KALRN: variants seen among roughly 807,000 people sequenced by gnomAD.
KALRN encodes the protein kalirin RhoGEF kinase, also known as kalirin.
Under a neutral mutation model 353.7 loss-of-function variants are expected in KALRN, and 70 were observed. The ratio of observed to expected loss-of-function variants is 0.20; its 90% CI spans 0.16 to 0.24. The LOEUF (loss-of-function observed/expected upper bound fraction) is 0.24. Among genes scored for constraint, KALRN ranks in the 10% least tolerant of loss-of-function variants. The pLI, the probability that KALRN is intolerant of heterozygous loss-of-function variation, is 1.00. For synonymous variants in KALRN, 1,391 were observed against 1,434.8 expected, an observed-to-expected ratio of 0.97 and a Z score of 0.69; for missense variants, 2,791 against 3,756.7, an observed-to-expected ratio of 0.74 and a Z score of 6.72.
chr3:124,243,390 C>T (rs2080743661), intron 3 of KALRN, among the ~76,000 whole-genome samples: 1 of 152,170 alleles, frequency 6.6e-6, no homozygotes, highest in Non-Finnish European at 1.5e-5. Flanking sequence ...AGAACAATAA[C>T]TGGAGCAATC....
At chr3:124,103,913 G>T (rs977331361) in intron 1 of KALRN, among the ~76,000 whole-genome samples, 1 of 152,032 alleles carries the variant, frequency 6.6e-6, no homozygotes, top group Non-Finnish European at 1.5e-5. Context: ...CTGAGATCAC[G>T]CTACTGCACT....
intron 5 of KALRN, among the ~76,000 whole-genome samples, chr3:124,295,688 A>G (rs2076793475): frequency 6.6e-6 from 1 of 152,318 alleles, no homozygotes; most frequent in Non-Finnish European, 1.5e-5. Flanking sequence ...TTTCATCACA[A>G]GTTCTAAGGA....
chr3:124,711,848 A>T (rs930058852), intron 57 of KALRN, among the ~76,000 whole-genome samples: 1 of 152,260 alleles, frequency 6.6e-6, no homozygotes, highest in Admixed American at 6.5e-5. Flanking sequence ...TAAATTGTTC[A>T]TGATTATTGA....
At chr3:124,333,491 G>A (rs939305341) in intron 8 of KALRN, among the ~76,000 whole-genome samples, 1 of 152,106 alleles carries the variant, frequency 6.6e-6, no homozygotes, top group Admixed American at 6.5e-5. Context: ...GCCAAATAGA[G>A]GAATTTGGGA....
chr3:124,260,176 T>C (rs894468014), intron 3 of KALRN, among the ~76,000 whole-genome samples: 1 of 152,244 alleles, frequency 6.6e-6, no homozygotes, highest in Admixed American at 6.5e-5. Context: ...ATACCCTTTG[T>C]CTGAATATGT....
At chr3:124,305,659 A>G (rs1171165468) in intron 6 of KALRN, among the ~76,000 whole-genome samples, 1 of 151,668 alleles carries the variant, frequency 6.6e-6, no homozygotes, top group Non-Finnish European at 1.5e-5. Flanking sequence ...TCCCCCTGGG[A>G]GCAACATTGG....
intron 13 of KALRN, among the ~76,000 whole-genome samples, chr3:124,405,536 A>C (rs983575295): frequency 9.9e-5 from 15 of 152,206 alleles, no homozygotes; most frequent in Non-Finnish European, 4.4e-5. Context: ...CAAATCTCAA[A>C]ATGATAAAAG....
chr3:124,509,411 G>A (rs1459264206), intron 33 of KALRN, among the ~76,000 whole-genome samples: 2 of 152,120 alleles, frequency 1.3e-5, no homozygotes, highest in Non-Finnish European at 2.9e-5. Context: ...GTTTCACCAT[G>A]TTGGCCAGGC....
chr3:124,342,507 T>C (rs2081862125), intron 9 of KALRN, among the ~76,000 whole-genome samples: 1 of 152,364 alleles, frequency 6.6e-6, no homozygotes. Context: ...TTTTTATGGC[T>C]GAATAGTATT....
At chr3:124,349,747 A>G (rs554213931) in intron 10 of KALRN, among the ~76,000 whole-genome samples, 2 of 152,336 alleles carry the variant, frequency 1.3e-5, no homozygotes, top group East Asian at 1.9e-4. Flanking sequence ...CTCATAGCCA[A>G]TGAGGACCTT....
intron 1 of KALRN, among the ~76,000 whole-genome samples, chr3:124,224,209 G>T (rs781505224): frequency 1.2e-4 from 16 of 136,938 alleles, no homozygotes; most frequent in African/African-American, 2.5e-4. Flanking sequence ...TTTTTTTAAT[G>T]TCTTCTCAGG....
At chr3:124,428,227 A>G (rs1331131011) in intron 15 of KALRN, among the ~76,000 whole-genome samples, 1 of 152,218 alleles carries the variant, frequency 6.6e-6, no homozygotes, top group Non-Finnish European at 1.5e-5. Context: ...CAAAACAGCT[A>G]AGGAAGCTAC....
At chr3:124,250,686 G>T (rs2071023542) in intron 3 of KALRN, among the ~76,000 whole-genome samples, 1 of 152,150 alleles carries the variant, frequency 6.6e-6, no homozygotes, top group Non-Finnish European at 1.5e-5. Context: ...GAGCGGGAAA[G>T]AAGGAGAGGG....
intron 1 of KALRN, among the ~76,000 whole-genome samples, chr3:124,168,234 A>G (rs1283846240): frequency 6.6e-6 from 1 of 152,198 alleles, no homozygotes; most frequent in African/African-American, 2.4e-5. Context: ...AAAAAGTTGA[A>G]GAGTTATGCG....
chr3:124,640,990 C>T (rs889154184), intron 37 of KALRN, among the ~76,000 whole-genome samples: 23 of 152,260 alleles, frequency 1.5e-4, no homozygotes, highest in East Asian at 7.7e-4. Flanking sequence ...GCTCAAGCCG[C>T]GGCACGGAAT....
chr3:124,593,408 C>G (rs528055283), intron 34 of KALRN, among the ~76,000 whole-genome samples: 1 of 152,318 alleles, frequency 6.6e-6, no homozygotes, highest in African/African-American at 2.4e-5. Flanking sequence ...CCTCACCCCA[C>G]AACTGAGGGA....
intron 6 of KALRN, among the ~76,000 whole-genome samples, chr3:124,301,045 A>T (rs937885111): frequency 6.6e-6 from 1 of 152,216 alleles, no homozygotes; most frequent in Non-Finnish European, 1.5e-5. Context: ...GAATTTTCAC[A>T]TTACCCAACA....
Position 124,518,531 on chromosome 3 carries a change from G to A in KALRN, c.4935+22118G>A, listed in dbSNP as rs2066885511. 1.9e-6 allele frequency: 3 copies of A among 1,612,272 alleles called. No homozygotes were observed. The Admixed American group carries it at 5.0e-5, about 27-fold the overall frequency. On this transcript the variant is annotated intron_variant, in intron 33 of 59. Transcript: ENST00000682506. ...TGGCACCGTTGGGACCTCCCACCAG[G>A]ACTCCAATCACCCACCTCTCTTGAG...
rs1315390029 is a variant in KALRN, at chr3:124,596,632, A to C, written c.5182+33543A>C. Among the ~76,000 whole-genome samples, 3 of 152,230 alleles carry C rather than the reference A, an allele frequency of 2.0e-5. No individual in the cohort carries two copies. In the East Asian group the frequency reaches 5.8e-4, roughly 29 times the overall value. ...AGTTTCTTCAGTTTCTTCATCTGGA[A>C]GATGAAGACCATGGAATCTCTTCAT... On this transcript the variant is annotated intron_variant, in intron 34 of 59. Transcript: ENST00000682506.
Sources: gnomAD v4.1 joint callset for allele counts (sites outside exome capture counted in the v4.1 genomes callset) on GRCh38, gnomAD v4.1.1 for gene constraint, MANE v1.5 for transcripts, NCBI Gene and HGNC (gene_info 2026-07-23, HGNC 2026-07-21) for gene names.